Variants in KHDC4 observed in about 807,000 individuals in gnomAD.
KHDC4 encodes KH domain containing 4, pre-mRNA splicing factor.
KHDC4 carries 19 observed loss-of-function variants against 74.5 expected under a neutral mutation model. The ratio of observed to expected loss-of-function variants is 0.26; its 90% CI spans 0.18 to 0.37. The LOEUF is 0.37. KHDC4 is among the 10% of genes least tolerant of loss of function. The pLI, the probability that KHDC4 is intolerant of heterozygous loss-of-function variation, is 1.00. For missense variants in KHDC4, 632 were observed against 754.1 expected, an observed-to-expected ratio of 0.84 and a Z score of 1.90; for synonymous variants, 253 against 266.1, an observed-to-expected ratio of 0.95 and a Z score of 0.48.
At position 155,913,413 on chromosome 1, in the gene KHDC4, A is replaced by G. The variant is rs1470877063; in HGVS notation, c.*708T>C. The G allele has an allele frequency of 1.3e-5, 2 of 152,430 alleles. No individual in the cohort carries two copies. Among genetic ancestry groups the G allele is most frequent in the Admixed American group, 1.3e-4 (2 of 15,274 alleles). The allele number at this position is 152,430 out of a possible 1,614,324, so 9.4% of individuals were successfully genotyped here. On this transcript the variant is annotated 3_prime_UTR_variant, in exon 14 of 14. Coordinates refer to ENST00000368321, the MANE Select transcript of KHDC4 (RefSeq NM_014949.4). ...GATGAGTTCTGACCAGTTTTAGTCAAGAAGTTTTCTCTGACCCAGCTGAAG... is the reference window on the plus strand; with the variant it reads ...GATGAGTTCTGACCAGTTTTAGTCAGGAAGTTTTCTCTGACCCAGCTGAAG...
intron 4 of KHDC4, among the ~76,000 whole-genome samples, chr1:155,927,827 AAAAAC>A: frequency 1.5e-5 from 1 of 65,706 alleles, no homozygotes; most frequent in Non-Finnish European, 3.1e-5. Flanking sequence ...AAAAAAAAAA[AAAAAC>A]CACACACACA....
intron 9 of KHDC4, 58 bp from the exon 10 acceptor site, chr1:155,921,686 G>T (rs796796426): frequency 6.4e-7 from 1 of 1,573,842 alleles, no homozygotes; most frequent in Non-Finnish European, 8.7e-7. Context: ...CAATTTAGCT[G>T]AATATTAAAC....
chr1:155,916,284 A>G (rs1384016413), intron 12 of KHDC4, among the ~76,000 whole-genome samples: 1 of 152,218 alleles, frequency 6.6e-6, no homozygotes, highest in Non-Finnish European at 1.5e-5. Flanking sequence ...ACTTCCATCC[A>G]TGATATTCTA....
intron 7 of KHDC4, 137 bp downstream of exon 7, chr1:155,925,495 T>C (rs544759086): frequency 1.4e-6 from 1 of 698,244 alleles, no homozygotes; most frequent in South Asian, 1.8e-5. Context: ...AATTATAAAG[T>C]AATTACTCCT....
chr1:155,932,031 G>C (rs150372243), intron 2 of KHDC4, among the ~76,000 whole-genome samples: 14 of 152,302 alleles, frequency 9.2e-5, no homozygotes, highest in African/African-American at 2.2e-4. Flanking sequence ...GTGACTAAAG[G>C]TCTAAATTTT....
chr1:155,928,691 G>T (rs1210046315), intron 4 of KHDC4, among the ~76,000 whole-genome samples: 1 of 151,236 alleles, frequency 6.6e-6, no homozygotes, highest in Non-Finnish European at 1.5e-5. Flanking sequence ...GGTGGCTCAC[G>T]CCTGTAATCC....
intron 2 of KHDC4, chr1:155,932,432 T>G (rs1183188560): frequency 6.6e-6 from 1 of 152,162 alleles, no homozygotes. Context: ...AACTGTGGAT[T>G]CTGGGTTTCA....
chr1:155,931,336 A>AGAAT (rs985517632), intron 2 of KHDC4, among the ~76,000 whole-genome samples: 20 of 151,918 alleles, frequency 1.3e-4, no homozygotes, highest in African/African-American at 4.1e-4. Context: ...AAAGAAAGAA[A>AGAAT]GAATGAACGA....
chr1:155,916,842 G>C, intron 11 of KHDC4, 105 bp from the exon 12 acceptor site: 1 of 746,944 alleles, frequency 1.3e-6, no homozygotes, highest in Non-Finnish European at 2.3e-6. Flanking sequence ...ATAAGTTGTA[G>C]TACGTTAAAC....
intron 7 of KHDC4, among the ~76,000 whole-genome samples, chr1:155,923,897 TTC>T (rs1673922749): frequency 6.6e-6 from 1 of 152,234 alleles, no homozygotes; most frequent in Non-Finnish European, 1.5e-5. Flanking sequence ...TTATTAGTCT[TTC>T]TCTGAGTAAT....
rs1273694617 is a variant in KHDC4 at position 155,925,723 on chromosome 1, C to T, written c.802G>A (p.Gly268Ser). 1.2e-6 allele frequency: 2 copies of T among 1,614,112 alleles called. No individual in the cohort carries two copies. The highest frequency in any genetic ancestry group is 1.7e-6 in the Non-Finnish European group (2 of 1,180,064). ...TTGCCCCGCAGGAAGACTTTGGCAC[C>T]TGTTTCAATCTGAATGTGCTGCAAA... ...SYLQHIQIETGAKVFLRGKGS... is the reference protein window; with the variant it reads ...SYLQHIQIETSAKVFLRGKGS... The change falls in exon 7 of 14, where the codon GGT (glycine) becomes AGT (serine). Residue 268 changes from glycine to serine, a missense_variant. By Grantham distance (56) the Gly-to-Ser change is moderately conservative. Transcript: ENST00000368321.
intron 7 of KHDC4, 99 bp from the exon 8 acceptor site, chr1:155,923,786 T>G: frequency 1.2e-6 from 1 of 850,370 alleles, no homozygotes; most frequent in Admixed American, 2.1e-5. Flanking sequence ...TCTACATTAA[T>G]ACATTCACTG....
At chr1:155,926,903 G>A in intron 5 of KHDC4, 64 bp from the exon 6 acceptor site, 3 of 1,566,804 alleles carry the variant, frequency 1.9e-6, no homozygotes, top group Non-Finnish European at 2.6e-6. Flanking sequence ...GCAGGCCAGT[G>A]TTCAATTATT....
At chr1:155,934,000 C>T (rs1213921598) in intron 1 of KHDC4, 151 bp from the exon 2 acceptor site, 2 of 685,798 alleles carry the variant, frequency 2.9e-6, no homozygotes, top group African/African-American at 3.6e-5. Flanking sequence ...TCTCCTTAAA[C>T]AATTATTGCT....
chr1:155,914,841 TA>T (rs1388557002), intron 13 of KHDC4: 1 of 153,496 alleles, frequency 6.5e-6, no homozygotes, highest in African/African-American at 2.4e-5. Context: ...GCTCCCAATA[TA>T]AAGCAAAATC....
Position 155,916,437 on chromosome 1 carries a change from G to C in KHDC4, c.1553+188C>G, listed in dbSNP as rs143705339. 5.6e-4 allele frequency among the ~76,000 whole-genome samples: 86 copies of C among 152,260 alleles called. 1 individual carries two copies. The East Asian group carries it at 0.014, about 25-fold the overall frequency. On this transcript the variant is annotated intron_variant, in intron 12 of 13. Coordinates refer to ENST00000368321, the MANE Select transcript of KHDC4 (RefSeq NM_014949.4). Reference sequence around the variant, plus strand: ...AAATTATTCAAAACCGAATATAACTGCTTCTAAATCTGTAAAAGGCCTATC... The same window carrying C: ...AAATTATTCAAAACCGAATATAACTCCTTCTAAATCTGTAAAAGGCCTATC...
At chr1:155,916,224 G>A (rs541024892) in intron 12 of KHDC4, among the ~76,000 whole-genome samples, 32 of 152,266 alleles carry the variant, frequency 2.1e-4, no homozygotes, top group Non-Finnish European at 3.2e-4. Flanking sequence ...ACTAATATAA[G>A]AAAGGAAAAT....
intron 4 of KHDC4, among the ~76,000 whole-genome samples, chr1:155,927,977 A>T (rs963715325): frequency 6.6e-6 from 1 of 152,138 alleles, no homozygotes; most frequent in Admixed American, 6.6e-5. Context: ...AAATTATAAT[A>T]AAGTGATCAA....
chr1:155,914,159 G>C lies in KHDC4; in HGVS notation c.1807C>G (p.Arg603Gly), dbSNP rs1673682938. 6.2e-7 allele frequency: 1 copy of C among 1,613,972 alleles called. No homozygotes were observed. The highest frequency in any genetic ancestry group is 1.1e-5 in the South Asian group (1 of 91,088). ...CAGAATGGCATCTGTTGTTTAGCTC[G>C]TGGTTGTGATGAAGGATATTGGTAT... ...LGYQYPSSQP[R>G]AKQQMPFWMA... Residue 603 changes from arginine to glycine, a missense_variant, in exon 14 of 14, where the codon CGA becomes GGA. By Grantham distance (125) the Arg-to-Gly change is moderately radical. This residue lies in a region of KHDC4 where 41 missense variants were observed against 66.0 expected (regional missense o/e 0.62). Coordinates refer to ENST00000368321, the MANE Select transcript of KHDC4 (RefSeq NM_014949.4).
Sources: allele counts gnomAD v4.1 joint callset (sites outside exome capture counted in the v4.1 genomes callset), GRCh38; gene constraint gnomAD v4.1.1; regional missense constraint gnomAD v4.1.1; transcripts MANE v1.5; gene names NCBI Gene and HGNC (gene_info 2026-07-23, HGNC 2026-07-21).